The following CDH13 variants were observed in gnomAD, a reference collection of about 807,000 sequenced individuals.
CDH13 encodes cadherin 13, also known as cadherin-13.
A neutral mutation model predicts 63.8 loss-of-function variants in CDH13; 24 were observed. The observed-to-expected ratio is 0.38, with a 90% CI of 0.27 to 0.53. The LOEUF is 0.53. CDH13 is among the 20% of genes least tolerant of loss of function. The probability of loss-of-function intolerance (pLI) is 0.85; values close to 1 mark genes in which losing one functional copy is unlikely to be tolerated. For synonymous variants in CDH13, 503 were observed against 355.3 expected (o/e 1.42, Z -4.67); for missense variants, 1,049 against 903.1 (o/e 1.16, Z -2.07).
intron 4 of CDH13, among the ~76,000 whole-genome samples, chr16:83,152,218 A>G (rs1316553090): frequency 1.3e-5 from 2 of 152,198 alleles, no homozygotes; most frequent in Non-Finnish European, 2.9e-5. Flanking sequence ...GATGTCTTAC[A>G]TGCCAAAATG....
intron 2 of CDH13, among the ~76,000 whole-genome samples, chr16:82,990,734 T>C (rs1447913881): frequency 6.6e-6 from 1 of 151,792 alleles, no homozygotes; most frequent in African/African-American, 2.4e-5. Flanking sequence ...ATTGTAGAGG[T>C]GGGGTCTTGC....
chr16:83,717,289 A>G (rs1598568369), intron 10 of CDH13, among the ~76,000 whole-genome samples: 1 of 152,182 alleles, frequency 6.6e-6, no homozygotes, highest in East Asian at 1.9e-4. Flanking sequence ...AGTGAGGCAA[A>G]TGAAGACTTG....
intron 6 of CDH13, among the ~76,000 whole-genome samples, chr16:83,442,171 A>T (rs1250474515): frequency 1.1e-4 from 16 of 152,166 alleles, no homozygotes; most frequent in Admixed American, 7.9e-4. Flanking sequence ...TGGGTTTATT[A>T]TTCACTGAGT....
At chr16:83,606,670 T>A (rs1908362592) in intron 8 of CDH13, among the ~76,000 whole-genome samples, 1 of 147,656 alleles carries the variant, frequency 6.8e-6, no homozygotes, top group Admixed American at 6.8e-5. Context: ...AAGACAGCAG[T>A]GAGTCATGAT....
At chr16:83,317,051 T>A (rs1400952602) in intron 5 of CDH13, among the ~76,000 whole-genome samples, 3 of 152,186 alleles carry the variant, frequency 2.0e-5, no homozygotes, top group African/African-American at 4.8e-5. Flanking sequence ...ACATTTCTGG[T>A]TATCACAACT....
intron 2 of CDH13, among the ~76,000 whole-genome samples, chr16:82,958,089 G>A (rs1906398233): frequency 1.3e-5 from 2 of 152,140 alleles, no homozygotes; most frequent in East Asian, 3.9e-4. Context: ...TCCTAACTAA[G>A]TACTCAGAGT....
chr16:82,864,285 T>G (rs2040045496), intron 2 of CDH13, among the ~76,000 whole-genome samples: 1 of 152,126 alleles, frequency 6.6e-6, no homozygotes, highest in Non-Finnish European at 1.5e-5. Context: ...AGAGAGTGAG[T>G]GTTTCTAGAT....
intron 10 of CDH13, among the ~76,000 whole-genome samples, chr16:83,738,731 C>A (rs1018352341): frequency 1.3e-5 from 2 of 152,156 alleles, no homozygotes; most frequent in Admixed American, 6.5e-5. Flanking sequence ...CATAGTGAAA[C>A]CCCATCACTA....
rs569041445 is a variant in CDH13 at position 83,502,876 on chromosome 16, G to T, written c.960+16221G>T. ...CAGATCTTTCTCAGGCATCTCCATC[G>T]ACAGTGGGGTCTCCCTAGAAGGCTG... On this transcript the variant is annotated intron_variant, in intron 7 of 13. Coordinates refer to ENST00000567109, the MANE Select transcript of CDH13 (RefSeq NM_001257.5). 1.1e-4 allele frequency among the ~76,000 whole-genome samples: 16 copies of T among 152,328 alleles called. No homozygotes were observed. The South Asian group carries it at 3.3e-3, about 32-fold the overall frequency.
intron 2 of CDH13, among the ~76,000 whole-genome samples, chr16:82,986,166 G>T (rs1268440701): frequency 1.3e-5 from 2 of 152,208 alleles, no homozygotes; most frequent in African/African-American, 4.8e-5. Flanking sequence ...AACACAGTCT[G>T]TGCCTGCAAG....
chr16:83,647,770 T>C (rs1275719420), intron 8 of CDH13, among the ~76,000 whole-genome samples: 1 of 152,174 alleles, frequency 6.6e-6, no homozygotes, highest in Non-Finnish European at 1.5e-5. Context: ...GGTTGGTGGG[T>C]ACCAGCAGTG....
At chr16:83,788,874 G>T (rs545306068) in intron 13 of CDH13, among the ~76,000 whole-genome samples, 98 of 152,268 alleles carry the variant, frequency 6.4e-4, no homozygotes, top group African/African-American at 2.3e-3. Context: ...TAGCTGGAAA[G>T]TATTCAGTTG....
At chr16:83,295,871 T>C (rs1235815316) in intron 5 of CDH13, among the ~76,000 whole-genome samples, 2 of 152,210 alleles carry the variant, frequency 1.3e-5, no homozygotes, top group African/African-American at 4.8e-5. Flanking sequence ...TGCACTTCTG[T>C]ATGTATTGCA....
intron 5 of CDH13, among the ~76,000 whole-genome samples, chr16:83,228,758 C>T (rs953052253): frequency 6.6e-6 from 1 of 152,138 alleles, no homozygotes; most frequent in African/African-American, 2.4e-5. Context: ...GACTCGCATG[C>T]TAAGGAGTGA....
chr16:82,676,486 C>CTTTT (rs11330492), intron 1 of CDH13, among the ~76,000 whole-genome samples: 210 of 96,200 alleles, frequency 2.2e-3, no homozygotes, highest in Non-Finnish European at 2.9e-3. Flanking sequence ...ACCATCATTT[C>CTTTT]TTTTTTTTTT....
rs924086961 is a variant in CDH13 at position 82,835,773 on chromosome 16, C to A, written c.46-22589C>A. ...GCCAGAAGTGCCCTGCTGTGATGAT[C>A]AATCCATATGCATGTTTGCCTCCAG... On this transcript the variant is annotated intron_variant, in intron 1 of 13. Coordinates refer to ENST00000567109, the MANE Select transcript of CDH13 (RefSeq NM_001257.5). Among the ~76,000 whole-genome samples the A allele has an allele frequency of 3.9e-5, 6 of 152,306 alleles. No individual in the cohort carries two copies. In the South Asian group the frequency reaches 6.2e-4, roughly 16 times the overall value.
chr16:83,344,838 C>T (rs766576113), intron 5 of CDH13, 24 bp from the exon 6 acceptor site: 3 of 1,612,072 alleles, frequency 1.9e-6, no homozygotes, highest in South Asian at 1.1e-5. Context: ...TCTTCTTTCT[C>T]CCCCAATCTC....
At chr16:83,524,450 T>C (rs866318112) in intron 7 of CDH13, among the ~76,000 whole-genome samples, 6 of 131,110 alleles carry the variant, frequency 4.6e-5, no homozygotes, top group Non-Finnish European at 8.1e-5. Context: ...TTTTTCTTTT[T>C]TTTTTTTTTT....
At chr16:83,769,906 A>G (rs994276566) in intron 11 of CDH13, among the ~76,000 whole-genome samples, 2 of 152,180 alleles carry the variant, frequency 1.3e-5, no homozygotes, top group South Asian at 2.1e-4. Context: ...AAGAGAAAAA[A>G]GTAATTAAAC....
Sources: allele counts gnomAD v4.1 joint callset (sites outside exome capture counted in the v4.1 genomes callset), GRCh38; gene constraint gnomAD v4.1.1; transcripts MANE v1.5; gene names NCBI Gene and HGNC (gene_info 2026-07-23, HGNC 2026-07-21).